The following COP1 variants were observed in gnomAD, a reference collection of about 807,000 sequenced individuals.
The protein encoded by COP1 is E3 ubiquitin-protein ligase COP1.
COP1 carries 24 observed loss-of-function variants against 101.3 expected under a neutral mutation model. That is an observed-to-expected ratio of 0.24 (90% CI 0.17 to 0.33). The LOEUF (loss-of-function observed/expected upper bound fraction) is 0.33, where lower values mean the gene tolerates loss of function less well. COP1 is among the 10% of genes least tolerant of loss of function. COP1 has a pLI of 1.00. For synonymous variants in COP1, 347 were observed against 341.9 expected (o/e 1.01, Z -0.17); for missense variants, 663 against 906.2 (o/e 0.73, Z 3.45).
chr1:176,167,653 C>CA (rs200510116), intron 3 of COP1, among the ~76,000 whole-genome samples: 4,031 of 150,586 alleles, frequency 0.027, 167 homozygotes, highest in African/African-American at 0.092. Context: ...TTTCTTAGTA[C>CA]AAAAAAAAAT....
intron 3 of COP1, among the ~76,000 whole-genome samples, chr1:176,164,099 T>C (rs1304442387): frequency 6.6e-6 from 1 of 152,204 alleles, no homozygotes. Flanking sequence ...ACTATTACTA[T>C]AGGAGAATTC....
intron 11 of COP1, among the ~76,000 whole-genome samples, chr1:176,078,781 A>G (rs2149386347): frequency 6.6e-6 from 1 of 152,154 alleles, no homozygotes; most frequent in African/African-American, 2.4e-5. Context: ...TCTACAAGAA[A>G]CTTAAAAAAA....
At chr1:175,984,229 T>G (rs989633659) in intron 18 of COP1, among the ~76,000 whole-genome samples, 3 of 152,164 alleles carry the variant, frequency 2.0e-5, no homozygotes, top group Non-Finnish European at 2.9e-5. Context: ...GGTCCAGGGT[T>G]GGCATGCTGC....
At chr1:175,985,729 CT>C (rs1207037026) in intron 18 of COP1, among the ~76,000 whole-genome samples, 4 of 152,110 alleles carry the variant, frequency 2.6e-5, no homozygotes, top group Admixed American at 1.3e-4. Context: ...CAAATAGGTT[CT>C]TTTTTTAAAA....
At chr1:175,945,790 T>C (rs1490342128) in intron 19 of COP1, among the ~76,000 whole-genome samples, 1 of 152,198 alleles carries the variant, frequency 6.6e-6, no homozygotes, top group African/African-American at 2.4e-5. Flanking sequence ...AGAATTACAT[T>C]AGATGGACAC....
intron 9 of COP1, among the ~76,000 whole-genome samples, chr1:176,088,758 G>A (rs1322559933): frequency 6.6e-6 from 1 of 152,024 alleles, no homozygotes; most frequent in East Asian, 1.9e-4. Context: ...CATTTTGGGA[G>A]GCCAAGTTGG....
intron 18 of COP1, among the ~76,000 whole-genome samples, chr1:175,970,523 A>AG (rs1232592126): frequency 6.6e-6 from 1 of 152,188 alleles, no homozygotes; most frequent in Non-Finnish European, 1.5e-5. Context: ...CAAACACATG[A>AG]GATCAGGAAA....
chr1:175,987,769 T>C (rs1351091921), intron 17 of COP1, among the ~76,000 whole-genome samples: 1 of 152,240 alleles, frequency 6.6e-6, no homozygotes, highest in African/African-American at 2.4e-5. Context: ...AGGCATTAGA[T>C]GTATCAGAGC....
chr1:176,131,396 G>C (rs1225936931), intron 8 of COP1, among the ~76,000 whole-genome samples: 1 of 151,736 alleles, frequency 6.6e-6, no homozygotes, highest in Non-Finnish European at 1.5e-5. Flanking sequence ...CTGGGAAAGG[G>C]AGAGAATACC....
Position 175,989,439 on chromosome 1 carries a change from C to T in COP1, c.1770G>A (p.Gln590=), listed in dbSNP as rs1657891089. 2.5e-6 allele frequency: 4 copies of T among 1,608,504 alleles called. No homozygotes were observed. The part of the protein sequence containing the change: ...VHYYDLRNTK[Q]PIMVFKGHRK... Reference sequence around the variant, plus strand: ...GGTGTCCTTTGAATACCATGATTGGCTGTTTAGTGTTACGAAGATCATAGT... The same window carrying T: ...GGTGTCCTTTGAATACCATGATTGGTTGTTTAGTGTTACGAAGATCATAGT... Residue 590 remains glutamine, a synonymous_variant, in exon 16 of 20, where the codon CAG becomes CAA. Transcript: ENST00000367669.
Position 176,042,575 on chromosome 1 carries a change from A to C in COP1, c.1612+611T>G, listed in dbSNP as rs1478479572. Among the ~76,000 whole-genome samples, 26 of 150,202 alleles carry C rather than the reference A, an allele frequency of 1.7e-4. 1 individual carries two copies. The highest frequency in any genetic ancestry group is 1.2e-3 in the East Asian group (6 of 5,080). Reference sequence around the variant, plus strand: ...GAGAATCCGTCTCAAAAAAAAAAAAAAAAAAACTAGCCAAGTGTGGTGGTA... The same window carrying C: ...GAGAATCCGTCTCAAAAAAAAAAAACAAAAAACTAGCCAAGTGTGGTGGTA... On this transcript the variant is annotated intron_variant, in intron 14 of 19. Coordinates refer to ENST00000367669, the MANE Select transcript of COP1 (RefSeq NM_022457.7).
At chr1:176,049,178 CAA>C (rs61267982) in intron 11 of COP1, among the ~76,000 whole-genome samples, 26 of 118,362 alleles carry the variant, frequency 2.2e-4, no homozygotes, top group African/African-American at 4.9e-4. Context: ...GACTCCGTCT[CAA>C]AAAAAAAAAA....
intron 1 of COP1, among the ~76,000 whole-genome samples, chr1:176,187,115 A>C (rs567325773): frequency 6.6e-6 from 1 of 152,200 alleles, no homozygotes; most frequent in African/African-American, 2.4e-5. Context: ...ATAACAAGAG[A>C]ATCAAAGAAG....
At chr1:176,103,579 T>C (rs1469789295) in intron 9 of COP1, among the ~76,000 whole-genome samples, 1 of 152,204 alleles carries the variant, frequency 6.6e-6, no homozygotes, top group Admixed American at 6.5e-5. Context: ...TCCAAAATGC[T>C]CCAATTAGCA....
intron 18 of COP1, among the ~76,000 whole-genome samples, chr1:175,974,503 C>T (rs571852072): frequency 6.6e-6 from 1 of 152,198 alleles, no homozygotes; most frequent in South Asian, 2.1e-4. Flanking sequence ...ATCATTAAAC[C>T]AGACTCAGGT....
chr1:175,986,510 G>A (rs943542583), intron 18 of COP1, among the ~76,000 whole-genome samples: 3 of 151,782 alleles, frequency 2.0e-5, no homozygotes, highest in Admixed American at 6.6e-5. Context: ...CTTAATTAGA[G>A]GACCATATAG....
At chr1:176,084,528 A>G (rs1466487259) in intron 10 of COP1, among the ~76,000 whole-genome samples, 2 of 152,206 alleles carry the variant, frequency 1.3e-5, no homozygotes, top group African/African-American at 2.4e-5. Flanking sequence ...GAACCAAAAA[A>G]GAGCCCACAT....
chr1:176,073,633 C>A (rs556166064), intron 11 of COP1, among the ~76,000 whole-genome samples: 16 of 152,260 alleles, frequency 1.1e-4, no homozygotes, highest in African/African-American at 3.9e-4. Flanking sequence ...AACCTAGGAC[C>A]ATCTTCTACT....
intron 8 of COP1, among the ~76,000 whole-genome samples, chr1:176,133,456 C>T (rs1429171297): frequency 6.6e-6 from 1 of 151,632 alleles, no homozygotes; most frequent in Non-Finnish European, 1.5e-5. Context: ...CTGACTGAAA[C>T]GTCATTATGC....
Sources: gnomAD v4.1 joint callset for allele counts (sites outside exome capture counted in the v4.1 genomes callset) on GRCh38, gnomAD v4.1.1 for gene constraint, MANE v1.5 for transcripts, NCBI Gene and HGNC (gene_info 2026-07-23, HGNC 2026-07-21) for gene names.